CALD1: variants seen among roughly 807,000 people sequenced by gnomAD.
CALD1 encodes caldesmon.
A neutral mutation model predicts 99.9 loss-of-function variants in CALD1; 33 were observed. The ratio of observed to expected loss-of-function variants is 0.33; its 90% confidence interval spans 0.25 to 0.44. The LOEUF (loss-of-function observed/expected upper bound fraction) is 0.44. Ranked by LOEUF, CALD1 falls within the 20% of genes least tolerant of loss-of-function variation. The pLI, the probability that CALD1 is intolerant of heterozygous loss-of-function variation, is 1.00. For missense variants in CALD1, 861 were observed against 962.1 expected, an observed-to-expected ratio of 0.89 and a Z score of 1.39; for synonymous variants, 310 against 325.0, an observed-to-expected ratio of 0.95 and a Z score of 0.50.
At chr7:134,774,876 A>AT (rs1012401466), upstream of CALD1, among the ~76,000 whole-genome samples, 11 of 152,092 alleles carry the variant, frequency 7.2e-5, no homozygotes, top group African/African-American at 2.2e-4. Context: ...TTTATTTATG[A>AT]TTTTTTTATT....
Position 134,960,582 on chromosome 7 carries a change from T to C in CALD1, c.2249T>C (p.Leu750Pro). Residue 750 changes from leucine (L) to proline (P), a missense_variant, in exon 13 of 15, where the codon CTA becomes CCA. By Grantham distance (98) the Leu-to-Pro change is moderately conservative. Transcript: ENST00000361675. Reference protein sequence around the residue: ...VGVSSRINEWLTKTPDGNKSP... With the variant: ...VGVSSRINEWPTKTPDGNKSP... ...GTTTCTAGCCGCATCAATGAATGGC[T>C]AACTAAAACCCCAGATGGAAACAAG... The C allele has an allele frequency of 6.2e-7, 1 of 1,613,778 alleles. No homozygotes were observed.
chr7:134,808,041 C>T (rs1798213181), intron 1 of CALD1, among the ~76,000 whole-genome samples: 1 of 151,778 alleles, frequency 6.6e-6, no homozygotes, highest in Admixed American at 6.6e-5. Flanking sequence ...ACACATGAAA[C>T]AAATAGGCAT....
chr7:134,911,126 C>G (rs1803776997), intron 3 of CALD1, among the ~76,000 whole-genome samples: 2 of 152,064 alleles, frequency 1.3e-5, no homozygotes, highest in South Asian at 2.1e-4. Flanking sequence ...GCTGCCGCCG[C>G]CACTCCTCGG....
At chr7:134,938,832 T>G (rs888058511) in intron 6 of CALD1, among the ~76,000 whole-genome samples, 12 of 152,184 alleles carry the variant, frequency 7.9e-5, no homozygotes, top group Non-Finnish European at 1.3e-4. Context: ...AAGGGGGGAT[T>G]TTTTTTCTGT....
intron 9 of CALD1, among the ~76,000 whole-genome samples, chr7:134,957,654 C>G (rs1173286760): frequency 6.6e-6 from 1 of 152,184 alleles, no homozygotes; most frequent in Non-Finnish European, 1.5e-5. Context: ...CTCCTGACCT[C>G]AAGTGATTTG....
At chr7:134,782,069 C>T (rs924752855) in intron 1 of CALD1, among the ~76,000 whole-genome samples, 1 of 152,162 alleles carries the variant, frequency 6.6e-6, no homozygotes, top group African/African-American at 2.4e-5. Context: ...ATAAAATGCA[C>T]CTCAGCAGGC....
At chr7:134,744,880 TG>T (rs1796621975) in intron 1 of CALD1, among the ~76,000 whole-genome samples, 1 of 152,214 alleles carries the variant, frequency 6.6e-6, no homozygotes. Context: ...CACCTTTCTC[TG>T]GACTCTCATA....
At chr7:134,824,639 A>G (rs1400752826) in intron 1 of CALD1, among the ~76,000 whole-genome samples, 2 of 152,152 alleles carry the variant, frequency 1.3e-5, no homozygotes, top group East Asian at 3.8e-4. Flanking sequence ...AAATGGAGAG[A>G]ACAAACACTG....
chr7:134,898,155 C>T (rs1802719674), intron 3 of CALD1, among the ~76,000 whole-genome samples: 1 of 152,134 alleles, frequency 6.6e-6, no homozygotes, highest in Non-Finnish European at 1.5e-5. Flanking sequence ...GGTCTAACTC[C>T]TTCAGTAATC....
At chr7:134,922,473 C>G (rs529913044) in intron 3 of CALD1, among the ~76,000 whole-genome samples, 2 of 152,310 alleles carry the variant, frequency 1.3e-5, no homozygotes, top group African/African-American at 4.8e-5. Flanking sequence ...ATAAGAGCAA[C>G]ATTCTTTAAA....
intron 3 of CALD1, among the ~76,000 whole-genome samples, chr7:134,880,926 T>A (rs974005336): frequency 2.6e-5 from 4 of 152,174 alleles, no homozygotes; most frequent in South Asian, 2.1e-4. Flanking sequence ...AAGTTTTTTT[T>A]AAACTCTAGG....
chr7:134,916,795 A>T (rs1804238698), intron 3 of CALD1, among the ~76,000 whole-genome samples: 1 of 152,246 alleles, frequency 6.6e-6, no homozygotes, highest in Admixed American at 6.5e-5. Flanking sequence ...GCTCAACCAC[A>T]TGAGATTATG....
intron 1 of CALD1, among the ~76,000 whole-genome samples, chr7:134,785,893 A>G (rs1439175426): frequency 6.6e-6 from 1 of 152,228 alleles, no homozygotes; most frequent in Non-Finnish European, 1.5e-5. Context: ...GAATATATAA[A>G]TTCATAGAAT....
At chr7:134,905,002 C>A (rs1803265320) in intron 3 of CALD1, among the ~76,000 whole-genome samples, 1 of 151,992 alleles carries the variant, frequency 6.6e-6, no homozygotes, top group Non-Finnish European at 1.5e-5. Flanking sequence ...TCCTTGTACA[C>A]CCCTCAAAAA....
chr7:134,927,967 A>C (rs1300941133), intron 3 of CALD1: 1 of 142,710 alleles, frequency 7.0e-6, no homozygotes, highest in Non-Finnish European at 1.5e-5. Flanking sequence ...ATAATTATTA[A>C]ATAATTTTAA....
chr7:134,768,164 T>A (rs1174143995), intron 1 of CALD1, among the ~76,000 whole-genome samples: 3 of 152,188 alleles, frequency 2.0e-5, no homozygotes, highest in Non-Finnish European at 2.9e-5. Context: ...TCCTGTTCCA[T>A]GGAAGTGAGA....
intron 2 of CALD1, among the ~76,000 whole-genome samples, chr7:134,865,482 C>T (rs1016458815): frequency 2.0e-5 from 3 of 152,094 alleles, no homozygotes; most frequent in Admixed American, 1.3e-4. Context: ...AAATGGCACA[C>T]GCTCTCTCTC....
At chr7:134,863,486 A>G (rs904707168) in intron 2 of CALD1, among the ~76,000 whole-genome samples, 1 of 152,232 alleles carries the variant, frequency 6.6e-6, no homozygotes, top group African/African-American at 2.4e-5. Context: ...CCACCTGCTC[A>G]CAAACATCTC....
At chr7:134,791,042 C>T (rs1797509462) in intron 1 of CALD1, among the ~76,000 whole-genome samples, 1 of 100,004 alleles carries the variant, frequency 1.0e-5, no homozygotes. Context: ...AGTGTCCACT[C>T]ACCTTCCCAG....
Sources: allele counts gnomAD v4.1 joint callset (sites outside exome capture counted in the v4.1 genomes callset), GRCh38; gene constraint gnomAD v4.1.1; transcripts MANE v1.5; gene names NCBI Gene and HGNC (gene_info 2026-07-23, HGNC 2026-07-21).